TBC1D22A: variants seen among roughly 807,000 people sequenced by gnomAD.
TBC1D22A encodes the protein putative GTPase activator.
Under a neutral mutation model 60.2 loss-of-function variants are expected in TBC1D22A, and 38 were observed. The ratio of observed to expected loss-of-function variants is 0.63; its 90% CI spans 0.49 to 0.83. TBC1D22A has a LOEUF of 0.83. Ranked by LOEUF, TBC1D22A falls within the 40% of genes least tolerant of loss-of-function variation. The pLI, the probability that TBC1D22A is intolerant of heterozygous loss-of-function variation, is 0.00. For missense variants in TBC1D22A, 628 were observed against 701.0 expected, an observed-to-expected ratio of 0.90 and a Z score of 1.18; for synonymous variants, 302 against 281.7, an observed-to-expected ratio of 1.07 and a Z score of -0.72.
intron 11 of TBC1D22A, among the ~76,000 whole-genome samples, chr22:47,090,840 A>G (rs1253371373): frequency 7.9e-6 from 1 of 127,076 alleles, no homozygotes; most frequent in East Asian, 2.7e-4. Context: ...GACGGGCACG[A>G]GAAGTCGTCT....
intron 3 of TBC1D22A, among the ~76,000 whole-genome samples, chr22:46,796,741 G>A (rs1234578552): frequency 6.6e-6 from 1 of 151,806 alleles, no homozygotes; most frequent in African/African-American, 2.4e-5. Flanking sequence ...AGCAGAGGGC[G>A]GGAGGGAGGG....
At chr22:47,040,017 C>T (rs960090692) in intron 11 of TBC1D22A, among the ~76,000 whole-genome samples, 10 of 147,760 alleles carry the variant, frequency 6.8e-5, no homozygotes, top group African/African-American at 2.5e-4. Flanking sequence ...CGATCTCGGC[C>T]CACTGCAAGC....
chr22:46,776,603 C>CAG (rs2083716203), intron 1 of TBC1D22A, among the ~76,000 whole-genome samples: 1 of 151,924 alleles, frequency 6.6e-6, no homozygotes. Context: ...GTGCCAGAGA[C>CAG]AGAGGCTCAG....
Position 46,844,693 on chromosome 22 carries a change from G to A in TBC1D22A, c.638-33960G>A, listed in dbSNP as rs536911021. Among the ~76,000 whole-genome samples the A allele has an allele frequency of 5.9e-5, 9 of 152,330 alleles. No individual in the cohort carries two copies. The South Asian group carries it at 1.9e-3, about 32-fold the overall frequency. On this transcript the variant is annotated intron_variant, in intron 4 of 12. Coordinates refer to ENST00000337137, the MANE Select transcript of TBC1D22A (RefSeq NM_014346.5). ...TGCTTCCATCTGGGTCCCCCGTGGG[G>A]TCTGGAGCAGTCACTTACCCAGTTG...
chr22:46,790,872 G>A (rs1442964607), intron 1 of TBC1D22A, among the ~76,000 whole-genome samples: 1 of 152,082 alleles, frequency 6.6e-6, no homozygotes, highest in Non-Finnish European at 1.5e-5. Context: ...TATCATAGTT[G>A]TGTGCAAATA....
chr22:46,946,408 C>G (rs2072544978), intron 8 of TBC1D22A, among the ~76,000 whole-genome samples: 1 of 152,208 alleles, frequency 6.6e-6, no homozygotes, highest in Admixed American at 6.5e-5. Context: ...CCCCTTGTTC[C>G]TTCAGGAGGC....
intron 9 of TBC1D22A, among the ~76,000 whole-genome samples, chr22:46,986,938 T>G (rs2074748432): frequency 6.6e-6 from 1 of 152,176 alleles, no homozygotes; most frequent in Non-Finnish European, 1.5e-5. Context: ...CCCGTTCATT[T>G]AAGAGCCTGG....
At chr22:47,116,683 C>G (rs1410138421) in intron 12 of TBC1D22A, 1 of 152,370 alleles carries the variant, frequency 6.6e-6, no homozygotes, top group Admixed American at 6.5e-5. Flanking sequence ...GAAGGACCAG[C>G]AGGTGCCAGC....
chr22:46,947,205 C>T (rs1569257773), intron 8 of TBC1D22A, among the ~76,000 whole-genome samples: 1 of 152,176 alleles, frequency 6.6e-6, no homozygotes, highest in Non-Finnish European at 1.5e-5. Flanking sequence ...GCTGTATCAG[C>T]TGATGGACCC....
At chr22:47,149,489 G>T (rs565563219) in intron 12 of TBC1D22A, among the ~76,000 whole-genome samples, 1 of 152,276 alleles carries the variant, frequency 6.6e-6, no homozygotes, top group African/African-American at 2.4e-5. Flanking sequence ...CCACAGGCCA[G>T]GCTGGCTGCC....
At chr22:47,103,189 C>T (rs187695373) in intron 11 of TBC1D22A, among the ~76,000 whole-genome samples, 12 of 152,190 alleles carry the variant, frequency 7.9e-5, no homozygotes, top group Admixed American at 7.2e-4. Context: ...TAATTTCGTT[C>T]GGTTTCCATT....
At chr22:46,811,317 C>T (rs1466496669) in intron 4 of TBC1D22A, among the ~76,000 whole-genome samples, 2 of 152,200 alleles carry the variant, frequency 1.3e-5, no homozygotes, top group African/African-American at 4.8e-5. Context: ...AGCAAGGTTC[C>T]CATCTCTTCA....
chr22:46,830,792 G>A (rs2086274550), intron 4 of TBC1D22A, among the ~76,000 whole-genome samples: 1 of 152,220 alleles, frequency 6.6e-6, no homozygotes, highest in Admixed American at 6.5e-5. Flanking sequence ...TGGTGCAAGT[G>A]GCCTGGAAAA....
intron 12 of TBC1D22A, among the ~76,000 whole-genome samples, chr22:47,148,899 C>G (rs1258579911): frequency 6.7e-6 from 1 of 149,104 alleles, no homozygotes; most frequent in Non-Finnish European, 1.5e-5. Flanking sequence ...TCCCGCCTAG[C>G]CACAGCTTCC....
At chr22:46,805,744 G>A (rs979392683) in intron 4 of TBC1D22A, among the ~76,000 whole-genome samples, 3 of 152,206 alleles carry the variant, frequency 2.0e-5, no homozygotes, top group Non-Finnish European at 2.9e-5. Flanking sequence ...GCAGCCAACT[G>A]TGTTTGCCAT....
chr22:46,766,240 T>A (rs954458881), intron 1 of TBC1D22A, among the ~76,000 whole-genome samples: 1 of 152,038 alleles, frequency 6.6e-6, no homozygotes, highest in East Asian at 1.9e-4. Context: ...CTTGTGATCC[T>A]CCTGCCTCGG....
At chr22:47,046,694 GGCGCCTGGGCCCCC>G (rs2148428611) in intron 11 of TBC1D22A, among the ~76,000 whole-genome samples, 1 of 152,322 alleles carries the variant, frequency 6.6e-6, no homozygotes, top group African/African-American at 2.4e-5. Flanking sequence ...CTGCTGTGAT[GGCGCCTGGGCCCCC>G]TGAAGCCTCC....
chr22:46,927,137 G>A (rs2071092405), intron 8 of TBC1D22A, among the ~76,000 whole-genome samples: 1 of 152,170 alleles, frequency 6.6e-6, no homozygotes, highest in African/African-American at 2.4e-5. Context: ...AAAGTGAGAT[G>A]AAGACATAAC....
chr22:46,930,149 C>T (rs114173395), intron 8 of TBC1D22A, among the ~76,000 whole-genome samples: 4 of 152,316 alleles, frequency 2.6e-5, no homozygotes, highest in Admixed American at 6.5e-5. Flanking sequence ...CCTTGCTGTC[C>T]GTTTTCTTGA....
Sources: gnomAD v4.1 joint callset for allele counts (sites outside exome capture counted in the v4.1 genomes callset) on GRCh38, gnomAD v4.1.1 for gene constraint, MANE v1.5 for transcripts, NCBI Gene and HGNC (gene_info 2026-07-23, HGNC 2026-07-21) for gene names.